SENP7: variants seen among roughly 807,000 people sequenced by gnomAD.
SENP7 encodes sentrin-specific protease 7.
In SENP7, 64 loss-of-function variants were observed where a neutral mutation model predicts 141.2. That is an observed-to-expected ratio of 0.45 (90% CI 0.37 to 0.56). The LOEUF (loss-of-function observed/expected upper bound fraction) is 0.56. SENP7 is among the 20% of genes least tolerant of loss of function. The probability of loss-of-function intolerance (pLI) is 0.00; values close to 1 mark genes in which losing one functional copy is unlikely to be tolerated. For missense variants in SENP7, 1,025 were observed against 1,212.2 expected (o/e 0.85, Z 2.29); for synonymous variants, 382 against 426.4 (o/e 0.90, Z 1.28).
intron 5 of SENP7, 58 bp from the exon 6 acceptor site, chr3:101,399,113 G>A: frequency 1.8e-6 from 2 of 1,099,634 alleles, no homozygotes; most frequent in Non-Finnish European, 2.5e-6. Flanking sequence ...AAAAAAAAAT[G>A]TATTCCAGGA....
intron 4 of SENP7, among the ~76,000 whole-genome samples, chr3:101,441,642 T>TGG (rs971184164): frequency 2.0e-5 from 3 of 152,132 alleles, no homozygotes; most frequent in Non-Finnish European, 4.4e-5. Flanking sequence ...CGGCCACAGC[T>TGG]GGCACCAAAC....
intron 5 of SENP7, among the ~76,000 whole-genome samples, chr3:101,407,831 A>G (rs1211351835): frequency 6.6e-6 from 1 of 152,232 alleles, no homozygotes; most frequent in African/African-American, 2.4e-5. Context: ...TACATCAGAA[A>G]GTCTGAAAGA....
At chr3:101,437,926 TAAA>T (rs984662713) in intron 4 of SENP7, among the ~76,000 whole-genome samples, 1 of 139,644 alleles carries the variant, frequency 7.2e-6, no homozygotes, top group Non-Finnish European at 1.6e-5. Context: ...ACTACAAATT[TAAA>T]AAAAAAAAAA....
intron 3 of SENP7, among the ~76,000 whole-genome samples, chr3:101,486,011 A>C (rs1227630678): frequency 6.6e-6 from 1 of 152,192 alleles, no homozygotes; most frequent in Non-Finnish European, 1.5e-5. Flanking sequence ...GTAGGAAGAA[A>C]GAAATTCAGA....
At chr3:101,489,566 G>C (rs2064877768) in intron 3 of SENP7, among the ~76,000 whole-genome samples, 1 of 140,796 alleles carries the variant, frequency 7.1e-6, no homozygotes, top group African/African-American at 2.6e-5. Context: ...GACAAAGATG[G>C]GTATTACATA....
chr3:101,505,006 A>C (rs758924514), intron 1 of SENP7, among the ~76,000 whole-genome samples: 1 of 152,178 alleles, frequency 6.6e-6, no homozygotes, highest in Non-Finnish European at 1.5e-5. Flanking sequence ...TCGAGGCTGC[A>C]GTGGGCCGTT....
chr3:101,376,643 G>A (rs1332536074), intron 6 of SENP7, among the ~76,000 whole-genome samples: 1 of 151,924 alleles, frequency 6.6e-6, no homozygotes, highest in South Asian at 2.1e-4. Flanking sequence ...GTGGGGTGGG[G>A]GGAGCGGGGA....
chr3:101,428,939 A>G (rs1207458424), intron 4 of SENP7, among the ~76,000 whole-genome samples: 1 of 152,202 alleles, frequency 6.6e-6, no homozygotes, highest in Non-Finnish European at 1.5e-5. Context: ...ACCATTTATT[A>G]AATAGGGAAT....
chr3:101,340,475 C>T (rs1576004360), intron 15 of SENP7: 2 of 355,614 alleles, frequency 5.6e-6, no homozygotes, highest in East Asian at 1.3e-4. Context: ...GAATTAGTCT[C>T]TAATCAATAG....
At chr3:101,502,371 C>T (rs1218210960) in intron 1 of SENP7, among the ~76,000 whole-genome samples, 2 of 152,208 alleles carry the variant, frequency 1.3e-5, no homozygotes, top group East Asian at 3.8e-4. Flanking sequence ...GGCACAATCT[C>T]GGCTCACTGC....
At chr3:101,494,538 T>C (rs1408643776) in intron 2 of SENP7, among the ~76,000 whole-genome samples, 1 of 152,070 alleles carries the variant, frequency 6.6e-6, no homozygotes, top group East Asian at 1.9e-4. Context: ...CTTGTCAAAA[T>C]TACTATTTTA....
intron 6 of SENP7, among the ~76,000 whole-genome samples, chr3:101,381,606 T>C (rs2060504549): frequency 6.6e-6 from 1 of 152,014 alleles, no homozygotes; most frequent in African/African-American, 2.4e-5. Flanking sequence ...ATAAATTACA[T>C]ATAGATAATA....
At chr3:101,417,233 T>C (rs1332421240) in intron 5 of SENP7, among the ~76,000 whole-genome samples, 1 of 152,158 alleles carries the variant, frequency 6.6e-6, no homozygotes, top group African/African-American at 2.4e-5. Flanking sequence ...AATGCACATA[T>C]ATACACACAC....
intron 20 of SENP7, among the ~76,000 whole-genome samples, chr3:101,329,775 T>TG (rs1553690060): frequency 1.0e-5 from 1 of 100,474 alleles, no homozygotes; most frequent in Admixed American, 1.1e-4. Flanking sequence ...CCATCTCTAC[T>TG]AAAAAAAAAA....
At chr3:101,479,802 CAA>C (rs756242957) in intron 3 of SENP7, among the ~76,000 whole-genome samples, 5 of 85,826 alleles carry the variant, frequency 5.8e-5, no homozygotes, top group Non-Finnish European at 4.6e-5. Context: ...GAGACTCTGT[CAA>C]AAAAAAAAAA....
At chr3:101,361,241 G>A (rs1194941151) in intron 11 of SENP7, among the ~76,000 whole-genome samples, 7 of 151,100 alleles carry the variant, frequency 4.6e-5, no homozygotes, top group Admixed American at 4.6e-4. Flanking sequence ...ATAGAGAACC[G>A]AGTAGAATCC....
rs900059827 is a variant in SENP7, at chr3:101,423,877, C to G, written c.285-6087G>C. 2.0e-5 allele frequency among the ~76,000 whole-genome samples: 3 copies of G among 152,284 alleles called. No homozygotes were observed. The East Asian group carries it at 5.8e-4, about 29-fold the overall frequency. On this transcript the variant is annotated intron_variant, in intron 4 of 23. Transcript: ENST00000394095. ...TCCCAGCAGGAGGAGACCCCTCAAC[C>G]ACCACGGACACTTCAGTTGGCAGGG...
chr3:101,417,970 C>T (rs965239302), intron 4 of SENP7, among the ~76,000 whole-genome samples, 180 bp from the exon 5 acceptor site: 1 of 152,058 alleles, frequency 6.6e-6, no homozygotes, highest in South Asian at 2.1e-4. Context: ...AAAGTAAAAT[C>T]TATTTCACTT....
At chr3:101,470,866 CAAA>C (rs949701126) in intron 3 of SENP7, among the ~76,000 whole-genome samples, 1 of 152,100 alleles carries the variant, frequency 6.6e-6, no homozygotes, top group African/African-American at 2.4e-5. Flanking sequence ...AACAGACAAA[CAAA>C]GAGCCAAATC....
Sources: allele counts gnomAD v4.1 joint callset (sites outside exome capture counted in the v4.1 genomes callset), GRCh38; gene constraint gnomAD v4.1.1; transcripts MANE v1.5; gene names NCBI Gene and HGNC (gene_info 2026-07-23, HGNC 2026-07-21).